Variants in CNNM1 observed in about 807,000 individuals in gnomAD.
CNNM1 encodes metal transporter CNNM1.
CNNM1 carries 44 observed loss-of-function variants against 78.8 expected under a neutral mutation model. The observed-to-expected ratio is 0.56, with a 90% CI of 0.44 to 0.72. The LOEUF (loss-of-function observed/expected upper bound fraction) is 0.72, where lower values mean the gene tolerates loss of function less well. Among genes scored for constraint, CNNM1 ranks in the 30% least tolerant of loss-of-function variants. The pLI is 0.00. For missense variants in CNNM1, 1,101 were observed against 1,292.2 expected, an observed-to-expected ratio of 0.85 and a Z score of 2.27; for synonymous variants, 584 against 581.5, an observed-to-expected ratio of 1.00 and a Z score of -0.06.
At chr10:99,341,788 A>G (rs2030470815) in intron 1 of CNNM1, among the ~76,000 whole-genome samples, 1 of 152,200 alleles carries the variant, frequency 6.6e-6, no homozygotes, top group Non-Finnish European at 1.5e-5. Context: ...ATATTTGTCA[A>G]ACATAATTTT....
At chr10:99,358,484 G>A (rs1244691850) in intron 2 of CNNM1, among the ~76,000 whole-genome samples, 1 of 152,160 alleles carries the variant, frequency 6.6e-6, no homozygotes, top group Admixed American at 6.5e-5. Context: ...CAGATAACTC[G>A]TTTCAGACTT....
intron 1 of CNNM1, among the ~76,000 whole-genome samples, chr10:99,344,959 G>T (rs1463961667): frequency 6.6e-6 from 1 of 152,174 alleles, no homozygotes; most frequent in East Asian, 1.9e-4. Flanking sequence ...TACAGAGTAT[G>T]TGCCCATTGC....
At chr10:99,363,775 C>G (rs941555595) in intron 4 of CNNM1, among the ~76,000 whole-genome samples, 7 of 135,098 alleles carry the variant, frequency 5.2e-5, no homozygotes, top group Admixed American at 8.1e-5. Flanking sequence ...GACAGAGTCT[C>G]GCTCTGTCAC....
At position 99,394,266 on chromosome 10, in the gene CNNM1, G is replaced by A. The variant is rs2032558221; in HGVS notation, c.*2750G>A. 1 of 152,182 alleles carries A rather than the reference G, an allele frequency of 6.6e-6. No homozygotes were observed. The highest frequency in any genetic ancestry group is 1.5e-5 in the Non-Finnish European group (1 of 68,008). The allele number at this position is 152,182 out of a possible 1,614,324, so 9.4% of individuals were successfully genotyped here. A position where few individuals can be genotyped will look rare whatever the true frequency, so the allele number is the denominator to read the frequency against. ...TTTAAAAAAAAGATTTTAAAATAAA[G>A]CATTTATGAAGGCTTAATAAATTGT... On this transcript the variant is annotated 3_prime_UTR_variant, in exon 11 of 11. Transcript: ENST00000356713.
chr10:99,329,439 T>C lies in CNNM1; in HGVS notation c.52T>C (p.Cys18Arg). 2.4e-6 allele frequency: 3 copies of C among 1,245,862 alleles called. No homozygotes were observed. The highest frequency in any genetic ancestry group is 3.3e-6 in the Non-Finnish European group (3 of 909,878). The allele number at this position is 1,245,862 out of a possible 1,614,324, so 77.2% of individuals were successfully genotyped here. ...AAAVGVRLRDCCSRGAVLLLF... is the reference protein window; with the variant it reads ...AAAVGVRLRDRCSRGAVLLLF... ...AGCGGTGGGTGTCAGGCTCCGGGAC[T>C]GCTGCAGCCGAGGCGCTGTGCTCCT... Residue 18 changes from cysteine to arginine, a missense_variant, in exon 1 of 11, where the codon TGC (cysteine) becomes CGC (arginine). Coordinates refer to ENST00000356713, the MANE Select transcript of CNNM1 (RefSeq NM_020348.3).
intron 1 of CNNM1, among the ~76,000 whole-genome samples, chr10:99,350,835 T>C (rs1003282342): frequency 4.7e-5 from 7 of 150,044 alleles, no homozygotes; most frequent in African/African-American, 1.7e-4. Flanking sequence ...TCGACCTCAA[T>C]AGTATTGATG....
chr10:99,357,640 G>C lies in CNNM1; in HGVS notation c.1702G>C (p.Glu568Gln). The part of the protein sequence containing the change: ...EEIIKSEILD[E>Q]TDLYTDNRKK... ...GATTATCAAGTCGGAGATCCTGGAT[G>C]AAACTGATCTCTACAGTAAGTGCAC... The change falls in exon 2 of 11, where the codon GAA becomes CAA. Residue 568 changes from glutamate (E) to glutamine (Q), a missense_variant. This residue lies in a region of CNNM1 where 277 missense variants were observed against 423.2 expected (regional missense o/e 0.65). Transcript: ENST00000356713. 6.2e-7 allele frequency: 1 copy of C among 1,611,522 alleles called. No homozygotes were observed. The highest frequency in any genetic ancestry group is 8.5e-7 in the Non-Finnish European group (1 of 1,178,734).
chr10:99,373,554 T>C (rs2031870678), intron 6 of CNNM1, among the ~76,000 whole-genome samples: 1 of 152,180 alleles, frequency 6.6e-6, no homozygotes, highest in African/African-American at 2.4e-5. Flanking sequence ...AACTCATCAA[T>C]TTGCTTTCTC....
intron 1 of CNNM1, among the ~76,000 whole-genome samples, chr10:99,356,549 AC>A (rs1200800710): frequency 4.2e-4 from 47 of 112,258 alleles, no homozygotes; most frequent in African/African-American, 1.6e-3. Context: ...AGACAGACAG[AC>A]AGACAGACAG....
intron 6 of CNNM1, among the ~76,000 whole-genome samples, chr10:99,366,882 A>G (rs2031637678): frequency 1.3e-5 from 2 of 152,212 alleles, no homozygotes; most frequent in Non-Finnish European, 2.9e-5. Context: ...CAGTTGCATC[A>G]GTGAGATAGA....
At chr10:99,365,123 C>G (rs750951672) in intron 6 of CNNM1, 121 bp downstream of exon 6, 2 of 963,142 alleles carry the variant, frequency 2.1e-6, no homozygotes, top group African/African-American at 3.2e-5. Flanking sequence ...CTGGCAGCCC[C>G]TTTGTAATGT....
intron 6 of CNNM1, among the ~76,000 whole-genome samples, chr10:99,373,147 A>C (rs1348221624): frequency 6.6e-6 from 1 of 152,158 alleles, no homozygotes; most frequent in East Asian, 1.9e-4. Context: ...GAAGGAGTTT[A>C]GTAGATAAAA....
intron 1 of CNNM1, among the ~76,000 whole-genome samples, chr10:99,353,567 G>T (rs2031023385): frequency 6.6e-6 from 1 of 152,220 alleles, no homozygotes; most frequent in Non-Finnish European, 1.5e-5. Flanking sequence ...CCCAGGAAGG[G>T]AGTAAGGGAG....
Position 99,357,559 on chromosome 10 carries a change from G to A in CNNM1, c.1621G>A (p.Gly541Arg). 1 of 1,613,568 alleles carries A rather than the reference G, an allele frequency of 6.2e-7. No individual in the cohort carries two copies. Among genetic ancestry groups the A allele is most frequent in the East Asian group, 2.2e-5 (1 of 44,868 alleles). The change falls in exon 2 of 11, where the codon GGG (glycine) becomes AGG (arginine). Residue 541 changes from glycine to arginine, a missense_variant. Physicochemically the swap from Gly to Arg is moderately radical, Grantham distance 125. Transcript: ENST00000356713. ...IVQRVNNEGE[G>R]DPFYEVMGIV... The stretch of plus-strand genomic sequence containing the variant: ...CCAGCGGGTGAATAATGAGGGAGAA[G>A]GGGACCCTTTCTATGAGGTGATGGG...
chr10:99,386,635 T>C (rs1434885241), intron 7 of CNNM1, among the ~76,000 whole-genome samples: 1 of 152,162 alleles, frequency 6.6e-6, no homozygotes, highest in East Asian at 1.9e-4. Context: ...TATCCTGAAG[T>C]TGGTTAAAGA....
At chr10:99,347,392 G>C (rs988207367) in intron 1 of CNNM1, among the ~76,000 whole-genome samples, 2 of 151,914 alleles carry the variant, frequency 1.3e-5, no homozygotes, top group East Asian at 3.9e-4. Context: ...ATGGTGGCAG[G>C]CACCTGTAAT....
chr10:99,363,331 G>A (rs1380404600), intron 4 of CNNM1, among the ~76,000 whole-genome samples: 1 of 152,180 alleles, frequency 6.6e-6, no homozygotes, highest in African/African-American at 2.4e-5. Context: ...GTGCTTCACT[G>A]TTGGAAATCA....
At chr10:99,381,754 A>AAG (rs1225308333) in intron 7 of CNNM1, among the ~76,000 whole-genome samples, 1 of 150,736 alleles carries the variant, frequency 6.6e-6, no homozygotes, top group African/African-American at 2.5e-5. Context: ...AAAAAAAAAA[A>AAG]CCAAAAAACA....
intron 1 of CNNM1, among the ~76,000 whole-genome samples, chr10:99,339,979 T>G (rs948467030): frequency 1.3e-5 from 2 of 152,246 alleles, no homozygotes; most frequent in South Asian, 2.1e-4. Flanking sequence ...TATAAATAGA[T>G]GTATTACGTT....
Sources: gnomAD v4.1 joint callset for allele counts (sites outside exome capture counted in the v4.1 genomes callset) on GRCh38, gnomAD v4.1.1 for gene constraint, gnomAD v4.1.1 regional missense constraint, MANE v1.5 for transcripts, NCBI Gene and HGNC (gene_info 2026-07-23, HGNC 2026-07-21) for gene names.